Variants in SLC29A2 observed in about 807,000 individuals in gnomAD.
The protein encoded by SLC29A2 is solute carrier family 29 member 2.
In SLC29A2, 37 loss-of-function variants were observed where a neutral mutation model predicts 48.8. The observed-to-expected ratio is 0.76, with a 90% CI of 0.58 to 1.00. SLC29A2 has a LOEUF of 1.00. Ranked by LOEUF, SLC29A2 falls within the 50% of genes least tolerant of loss-of-function variation. The pLI, the probability that SLC29A2 is intolerant of heterozygous loss-of-function variation, is 0.00. For missense variants in SLC29A2, 533 were observed against 578.6 expected, an observed-to-expected ratio of 0.92 and a Z score of 0.81; for synonymous variants, 233 against 261.7, an observed-to-expected ratio of 0.89 and a Z score of 1.06.
chr11:66,369,487 T>C lies in SLC29A2; in HGVS notation c.157A>G (p.Ile53Val). The C allele has an allele frequency of 6.2e-7, 1 of 1,613,986 alleles. No homozygotes were observed. The highest frequency in any genetic ancestry group is 8.5e-7 in the Non-Finnish European group (1 of 1,179,986). The change falls in exon 3 of 12, where the codon ATC becomes GTC. Residue 53 changes from isoleucine to valine, a missense_variant. Ile to Val is a conservative substitution (Grantham distance 29). Coordinates refer to ENST00000357440, the MANE Select transcript of SLC29A2 (RefSeq NM_001532.3). ...GGACCCGTGTGGTTGGTGCTCAGGA[T>C]CCTGGCTGTGCTGTTGCCGGCCCCG... ...LAGAGNSTAR[I>V]LSTNHTGPED...
rs1459779376 is a variant in SLC29A2, at chr11:66,363,382, A to G, written c.*54T>C. The G allele has an allele frequency of 7.1e-7, 1 of 1,416,246 alleles. No homozygotes were observed. The highest frequency in any genetic ancestry group is 1.4e-5 in the African/African-American group (1 of 71,016). 87.7% of individuals were successfully genotyped at this position (1,416,246 alleles called of 1,614,324 possible). ...CGCCATTCGCCCTGGGCTGGATCTC[A>G]GCTCCGGAAGGAGACGTCGAGAAGA... On this transcript the variant is annotated 3_prime_UTR_variant, in exon 12 of 12. Transcript: ENST00000357440.
intron 7 of SLC29A2, among the ~76,000 whole-genome samples, chr11:66,367,158 A>G (rs544338540): frequency 6.6e-6 from 1 of 152,280 alleles, no homozygotes; most frequent in East Asian, 1.9e-4. Flanking sequence ...TGCAGTGGCT[A>G]AGTGGTTTGT....
chr11:66,371,298 G>A lies in SLC29A2; in HGVS notation c.57C>T (p.Phe19=), dbSNP rs1292465782. 1 of 1,613,786 alleles carries A rather than the reference G, an allele frequency of 6.2e-7. No individual in the cohort carries two copies. The highest frequency in any genetic ancestry group is 8.5e-7 in the Non-Finnish European group (1 of 1,180,012). ...GAAGGAGGGTGCCCAGCCCCAGGAT[G>A]AAGAAGCTGATCCCGACCAGGTGGT... ...DSYHLVGISF[F]ILGLGTLLPW... The change falls in exon 2 of 12, where the codon TTC becomes TTT. Residue 19 remains phenylalanine, a synonymous_variant. Coordinates refer to ENST00000357440, the MANE Select transcript of SLC29A2 (RefSeq NM_001532.3).
intron 7 of SLC29A2, 144 bp downstream of exon 7, chr11:66,367,320 A>G: frequency 1.3e-6 from 1 of 763,468 alleles, no homozygotes; most frequent in Non-Finnish European, 2.3e-6. Flanking sequence ...CTTTAATCCT[A>G]CCAACTTCCC....
At position 66,367,473 on chromosome 11, in the gene SLC29A2, G is replaced by A. The variant is rs1471210275; in HGVS notation, c.724C>T (p.Leu242Phe). Residue 242 changes from leucine to phenylalanine, a missense_variant, in exon 7 of 12, where the codon CTC becomes TTC. Transcript: ENST00000357440. ...GGGTCTCAGGGCTTACCAGACTGGA[G>A]GAGCTCAGCTTTGGTCTCCAGCTCC... ...AQELETKAEL[L>F]QSDENGIPSS... 1 of 1,614,066 alleles carries A rather than the reference G, an allele frequency of 6.2e-7. No individual in the cohort carries two copies. The highest frequency in any genetic ancestry group is 1.7e-5 in the Admixed American group (1 of 60,018).
At chr11:66,372,040 C>T (rs1856084803), upstream of SLC29A2, 1 of 199,446 alleles carries the variant, frequency 5.0e-6, no homozygotes, top group South Asian at 8.3e-5. Context: ...TCTGTAGGGG[C>T]AGCACTGGTG....
rs1855505482 is a variant in SLC29A2 at position 66,363,798 on chromosome 11, C to CCAG, written c.1260-252_1260-251insCTG. On this transcript the variant is annotated intron_variant, in intron 11 of 11. Coordinates refer to ENST00000357440, the MANE Select transcript of SLC29A2 (RefSeq NM_001532.3). ...CCTGCCCTTTCCACAGTGCTCTCAG[C>CCAG]CTGTCTGCCCTGCCAGCTTCATTCT... 5 of 552,172 alleles carry CCAG rather than the reference C, an allele frequency of 9.1e-6. No homozygotes were observed. The East Asian group carries it at 1.6e-4, about 18-fold the overall frequency. The allele number at this position is 552,172 out of a possible 1,614,324, so 34.2% of individuals were successfully genotyped here.
chr11:66,371,419 C>A, intron 1 of SLC29A2, 94 bp from the exon 2 acceptor site: 2 of 1,513,320 alleles, frequency 1.3e-6, no homozygotes, highest in East Asian at 2.3e-5. Context: ...CGGACTACAA[C>A]CCCGATCACC....
rs1397961660 is a variant in SLC29A2, at chr11:66,371,628, A to C, written c.-37T>G. 3 of 1,539,004 alleles carry C rather than the reference A, an allele frequency of 1.9e-6. No homozygotes were observed. The highest frequency in any genetic ancestry group is 2.6e-6 in the Non-Finnish European group (3 of 1,147,422). On this transcript the variant is annotated 5_prime_UTR_variant, in exon 1 of 12. Coordinates refer to ENST00000357440, the MANE Select transcript of SLC29A2 (RefSeq NM_001532.3). ...CGGATGCGCCTGGGGTGAAAGGGGC[A>C]GAGAAGCCGCACCTGCACCTGCGCT...
At chr11:66,364,177 A>G (rs1483564558) in intron 11 of SLC29A2, 48 bp downstream of exon 11, 1 of 1,464,592 alleles carries the variant, frequency 6.8e-7, no homozygotes, top group Non-Finnish European at 9.4e-7. Context: ...CAAAGACTGA[A>G]CCCACCTCCC....
rs1460931969 is a variant in SLC29A2 at position 66,362,609 on chromosome 11, A to C, written c.*827T>G. 2 of 152,274 alleles carry C rather than the reference A, an allele frequency of 1.3e-5. No individual in the cohort carries two copies. Among genetic ancestry groups the C allele is most frequent in the African/African-American group, 4.8e-5 (2 of 41,466 alleles). 9.4% of individuals were successfully genotyped at this position (152,274 alleles called of 1,614,324 possible). On this transcript the variant is annotated 3_prime_UTR_variant, in exon 12 of 12. Coordinates refer to ENST00000357440, the MANE Select transcript of SLC29A2 (RefSeq NM_001532.3). Reference sequence around the variant, plus strand: ...AGTAAGTGCCCAGGCTCCTGCCCCAAACCCCTTGAGGAAAAGAGAAACAGG... The same window carrying C: ...AGTAAGTGCCCAGGCTCCTGCCCCACACCCCTTGAGGAAAAGAGAAACAGG...
intron 2 of SLC29A2, among the ~76,000 whole-genome samples, 168 bp from the exon 3 acceptor site, chr11:66,369,700 TA>T (rs1855923104): frequency 6.6e-6 from 1 of 152,102 alleles, no homozygotes; most frequent in Non-Finnish European, 1.5e-5. Context: ...TGTGCTGAGT[TA>T]AATGGCTGAA....
Position 66,364,341 on chromosome 11 carries a change from G to A in SLC29A2, c.1143C>T (p.Pro381=). The stretch of plus-strand genomic sequence containing the variant: ...AGAGGATGGGCAGCCGGGACCTCTG[G>A]GGCACGTGGCACAGCATGAAGAGGG... ...FVPLFMLCHV[P]QRSRLPILFP... The change falls in exon 11 of 12, where the codon CCC becomes CCT. Residue 381 remains proline (P), a synonymous_variant. Transcript: ENST00000357440. 10 of 1,613,976 alleles carry A rather than the reference G, an allele frequency of 6.2e-6. No homozygotes were observed. The highest frequency in any genetic ancestry group is 8.5e-6 in the Non-Finnish European group (10 of 1,180,004).
rs770155633 is a variant in SLC29A2, at chr11:66,366,180, C to CGGA, written c.916_918dup (p.Ser306dup). On this transcript the variant is annotated inframe_insertion, in exon 9 of 12. Coordinates refer to ENST00000357440, the MANE Select transcript of SLC29A2 (RefSeq NM_001532.3). ...ACCATGGCTGTGATGGCGGGGAAGA[C>CGGA]GGACAGGGTGACTGTGAAGACCAAC... is the stretch of plus-strand genomic sequence containing the variant. 3.0e-5 allele frequency: 48 copies of CGGA among 1,614,060 alleles called. No homozygotes were observed. In the Middle Eastern group the frequency reaches 4.9e-4, roughly 17 times the overall value.
At chr11:66,369,967 C>G (rs949429563) in intron 2 of SLC29A2, among the ~76,000 whole-genome samples, 1 of 152,226 alleles carries the variant, frequency 6.6e-6, no homozygotes, top group Non-Finnish European at 1.5e-5. Context: ...CTCAACACCC[C>G]GATTCATGCC....
Position 66,371,673 on chromosome 11 carries a change from C to G in SLC29A2, c.-82G>C. ...TGCGCTGGGGCGGAGGGCCGCAGAC[C>G]GGTGGGGCGGGGGGCGGGTCTCCCC... On this transcript the variant is annotated 5_prime_UTR_variant, in exon 1 of 12. Transcript: ENST00000357440. 128 of 1,139,546 alleles carry G rather than the reference C, an allele frequency of 1.1e-4. No homozygotes were observed. Among genetic ancestry groups the G allele is most frequent in the Non-Finnish European group, 1.4e-4 (116 of 800,248 alleles). 70.6% of individuals were successfully genotyped at this position (1,139,546 alleles called of 1,614,324 possible).
upstream of SLC29A2, chr11:66,371,813 G>T: frequency 1.8e-6 from 1 of 569,056 alleles, no homozygotes; most frequent in South Asian, 2.1e-5. Flanking sequence ...ACAGAGGGTC[G>T]CGCCACCCGT....
At chr11:66,364,079 A>AG in intron 11 of SLC29A2, 146 bp downstream of exon 11, 1 of 712,070 alleles carries the variant, frequency 1.4e-6, no homozygotes. Flanking sequence ...TTGGCCCAGT[A>AG]GGGGGCGCCA....
intron 2 of SLC29A2, among the ~76,000 whole-genome samples, chr11:66,370,640 G>C (rs1341629730): frequency 3.9e-5 from 6 of 152,090 alleles, no homozygotes; most frequent in Admixed American, 2.0e-4. Context: ...GGAGGATCAC[G>C]AGGTCAGGAG....
Sources: allele counts gnomAD v4.1 joint callset (sites outside exome capture counted in the v4.1 genomes callset), GRCh38; gene constraint gnomAD v4.1.1; transcripts MANE v1.5; gene names NCBI Gene and HGNC (gene_info 2026-07-23, HGNC 2026-07-21).